The following UIMC1 variants were observed in gnomAD, a reference collection of about 807,000 sequenced individuals.
UIMC1 encodes the protein BRCA1-A complex subunit RAP80.
UIMC1 carries 42 observed loss-of-function variants against 84.9 expected under a neutral mutation model. That is an observed-to-expected ratio of 0.49 (90% CI 0.39 to 0.64). The LOEUF (loss-of-function observed/expected upper bound fraction) is 0.64, where lower values mean the gene tolerates loss of function less well. UIMC1 is among the 30% of genes least tolerant of loss of function. UIMC1 has a pLI of 0.00. For missense variants in UIMC1, 825 were observed against 847.6 expected (o/e 0.97, Z 0.33); for synonymous variants, 281 against 293.0 (o/e 0.96, Z 0.42).
intron 8 of UIMC1, among the ~76,000 whole-genome samples, chr5:176,952,511 A>T (rs1255544702): frequency 6.6e-6 from 1 of 152,210 alleles, no homozygotes; most frequent in Admixed American, 6.5e-5. Flanking sequence ...TTTTATTGGA[A>T]CACAGCCATG....
chr5:176,999,034 A>C (rs1170135978), intron 1 of UIMC1, among the ~76,000 whole-genome samples: 1 of 152,022 alleles, frequency 6.6e-6, no homozygotes, highest in Non-Finnish European at 1.5e-5. Context: ...TACAAAAAAA[A>C]ATTAAAAATC....
chr5:176,991,627 T>C (rs1772845154), intron 1 of UIMC1, among the ~76,000 whole-genome samples: 1 of 92,746 alleles, frequency 1.1e-5, no homozygotes, highest in Non-Finnish European at 2.0e-5. Flanking sequence ...TGAAACTCCG[T>C]CTCAAAAAAA....
In UIMC1 at chr5:176,968,728, T is replaced by C; in HGVS notation, c.1027A>G (p.Ser343Gly). 1 of 1,614,214 alleles carries C rather than the reference T, an allele frequency of 6.2e-7. No individual in the cohort carries two copies. Residue 343 changes from serine (S) to glycine (G), a missense_variant, in exon 6 of 15, where the codon AGT becomes GGT. Coordinates refer to ENST00000511320, the MANE Select transcript of UIMC1 (RefSeq NM_001199298.2). ...QNECGQGEQA[S>G]EKNECISEDM... Reference sequence around the variant, plus strand: ...TCTGAGATGCATTCATTTTTCTCACTAGCCTGCTCTCCTTGGCCACATTCA... The same window carrying C: ...TCTGAGATGCATTCATTTTTCTCACCAGCCTGCTCTCCTTGGCCACATTCA...
At chr5:176,970,688 G>T (rs1331757712) in intron 4 of UIMC1, 54 bp downstream of exon 4, 2 of 1,612,620 alleles carry the variant, frequency 1.2e-6, no homozygotes, top group African/African-American at 2.7e-5. Context: ...CACCACAGAA[G>T]TCAAAAATAT....
At chr5:176,992,501 T>C (rs1226056181) in intron 1 of UIMC1, among the ~76,000 whole-genome samples, 1 of 151,498 alleles carries the variant, frequency 6.6e-6, no homozygotes, top group African/African-American at 2.4e-5. Context: ...TAAAGCTTTC[T>C]TAGGACATAA....
At chr5:176,960,842 G>A (rs1257519920) in intron 6 of UIMC1, among the ~76,000 whole-genome samples, 2 of 60,980 alleles carry the variant, frequency 3.3e-5, no homozygotes, top group East Asian at 4.1e-4. Context: ...TGTGTTGGCC[G>A]GGCCGGTCTC....
At chr5:176,951,666 T>G in intron 8 of UIMC1, 89 bp from the exon 9 acceptor site, 1 of 968,732 alleles carries the variant, frequency 1.0e-6, no homozygotes, top group Non-Finnish European at 1.5e-6. Flanking sequence ...CACCTAAAGT[T>G]TAGGATATGA....
intron 3 of UIMC1, among the ~76,000 whole-genome samples, chr5:176,973,280 T>A (rs1341891643): frequency 1.3e-5 from 2 of 152,108 alleles, no homozygotes; most frequent in African/African-American, 2.4e-5. Context: ...GGACAAAAAT[T>A]GGTTCTTGGA....
chr5:176,910,565 T>C (rs1760000672), intron 11 of UIMC1, among the ~76,000 whole-genome samples: 1 of 152,236 alleles, frequency 6.6e-6, no homozygotes, highest in Non-Finnish European at 1.5e-5. Context: ...TCAGTCAAGC[T>C]GCAACACACA....
intron 9 of UIMC1, among the ~76,000 whole-genome samples, chr5:176,950,787 T>A (rs890935514): frequency 6.6e-6 from 1 of 151,984 alleles, no homozygotes; most frequent in Admixed American, 6.6e-5. Flanking sequence ...GGAGAAACAC[T>A]TGGACCAGGA....
intron 10 of UIMC1, among the ~76,000 whole-genome samples, chr5:176,919,707 G>GGATA: frequency 6.6e-6 from 1 of 152,152 alleles, no homozygotes; most frequent in Non-Finnish European, 1.5e-5. Flanking sequence ...TTTTGCAAGT[G>GGATA]GATATTCAGT....
intron 1 of UIMC1, among the ~76,000 whole-genome samples, chr5:177,004,857 G>A (rs968573886): frequency 6.6e-6 from 1 of 152,120 alleles, no homozygotes; most frequent in Admixed American, 6.6e-5. Flanking sequence ...GGGACCTTAA[G>A]AACAATCCTT....
intron 1 of UIMC1, among the ~76,000 whole-genome samples, chr5:176,986,604 C>A: frequency 6.7e-6 from 1 of 148,576 alleles, no homozygotes; most frequent in South Asian, 2.1e-4. Context: ...TTTTGGGAGA[C>A]CAAAGCAGGA....
chr5:177,005,507 T>A (rs890798528), intron 1 of UIMC1, among the ~76,000 whole-genome samples: 1 of 151,848 alleles, frequency 6.6e-6, no homozygotes, highest in Non-Finnish European at 1.5e-5. Context: ...CAGCCTCAGT[T>A]TAGGACAAGT....
At chr5:176,937,031 G>C (rs1340426153) in intron 10 of UIMC1, among the ~76,000 whole-genome samples, 1 of 152,162 alleles carries the variant, frequency 6.6e-6, no homozygotes, top group African/African-American at 2.4e-5. Context: ...TTATATAGTA[G>C]GTATACAATA....
Position 176,970,823 on chromosome 5 carries a change from A to G in UIMC1, c.276T>C (p.Ser92=). The G allele has an allele frequency of 6.2e-7, 1 of 1,613,998 alleles. No homozygotes were observed. Among genetic ancestry groups the G allele is most frequent in the Non-Finnish European group, 8.5e-7 (1 of 1,180,018 alleles). ...TGTTCACCTCCCTAGCTTCCTGCTC[A>G]CTCATTTTGAGAGCCAGAGCAAACT... is the stretch of plus-strand genomic sequence containing the variant. ...EEQFALALKM[S]EQEAREVNSQ... Residue 92 remains serine, a synonymous_variant, in exon 4 of 15, where the codon AGT becomes AGC. Transcript: ENST00000511320.
chr5:176,990,023 A>G (rs1772583899), intron 1 of UIMC1, among the ~76,000 whole-genome samples: 1 of 152,054 alleles, frequency 6.6e-6, no homozygotes, highest in Non-Finnish European at 1.5e-5. Context: ...TACTAAAAAT[A>G]CAAAAAAATT....
intron 10 of UIMC1, among the ~76,000 whole-genome samples, chr5:176,942,434 A>T (rs1330743924): frequency 6.6e-6 from 1 of 152,144 alleles, no homozygotes; most frequent in African/African-American, 2.4e-5. Context: ...AGAATAAGTT[A>T]ATACGTTAAA....
At chr5:177,020,765 C>T (rs1414045045) in intron 1 of UIMC1, among the ~76,000 whole-genome samples, 4 of 152,144 alleles carry the variant, frequency 2.6e-5, no homozygotes, top group Admixed American at 6.6e-5. Context: ...TCCTCCACTA[C>T]AATAAAAAAT....
Sources: gnomAD v4.1 joint callset for allele counts (sites outside exome capture counted in the v4.1 genomes callset) on GRCh38, gnomAD v4.1.1 for gene constraint, MANE v1.5 for transcripts, NCBI Gene and HGNC (gene_info 2026-07-23, HGNC 2026-07-21) for gene names.